The following CCNY variants were observed in gnomAD, a reference collection of about 807,000 sequenced individuals.
CCNY encodes the protein cyclin-Y.
A neutral mutation model predicts 42.8 loss-of-function variants in CCNY; 19 were observed. The ratio of observed to expected loss-of-function variants is 0.44; its 90% confidence interval spans 0.31 to 0.65. The LOEUF is 0.65. CCNY is among the 30% of genes least tolerant of loss of function. CCNY has a pLI of 0.07. For synonymous variants in CCNY, 165 were observed against 162.7 expected, an observed-to-expected ratio of 1.01 and a Z score of -0.11; for missense variants, 370 against 437.3, an observed-to-expected ratio of 0.85 and a Z score of 1.37.
chr10:35,494,198 C>T (rs1360392040), intron 2 of CCNY, among the ~76,000 whole-genome samples: 1 of 147,904 alleles, frequency 6.8e-6, no homozygotes, highest in African/African-American at 2.5e-5. Context: ...TTGCTTGAGC[C>T]CAGGAGTTCA....
Position 35,495,478 on chromosome 10 carries a change from A to T in CCNY, c.230-6023A>T, listed in dbSNP as rs114019060. Reference sequence around the variant, plus strand: ...TCTACTTCCTATTCTCTTCCCTGGAATTTTCTCCTCTCCATGACTGGCTGT... The same window carrying T: ...TCTACTTCCTATTCTCTTCCCTGGATTTTTCTCCTCTCCATGACTGGCTGT... On this transcript the variant is annotated intron_variant, in intron 2 of 9. Coordinates refer to ENST00000374704, the MANE Select transcript of CCNY (RefSeq NM_145012.6). 7.0e-3 allele frequency among the ~76,000 whole-genome samples: 1,070 copies of T among 152,144 alleles called. 11 individuals are homozygous for T. The highest frequency in any genetic ancestry group is 0.025 in the African/African-American group (1,021 of 41,498).
chr10:35,309,372 G>T (rs1835653879), intron 3 of CCNY, among the ~76,000 whole-genome samples: 2 of 152,210 alleles, frequency 1.3e-5, no homozygotes, highest in South Asian at 4.1e-4. Flanking sequence ...GGGTGATGGA[G>T]AATCTACCTG....
chr10:35,489,068 A>C (rs1397956724), intron 2 of CCNY, among the ~76,000 whole-genome samples: 1 of 152,206 alleles, frequency 6.6e-6, no homozygotes, highest in Non-Finnish European at 1.5e-5. Context: ...TCACGAGGTC[A>C]GGAGATCGAG....
intron 4 of CCNY, among the ~76,000 whole-genome samples, chr10:35,517,047 G>A (rs931025558): frequency 1.3e-5 from 2 of 152,044 alleles, no homozygotes; most frequent in African/African-American, 2.4e-5. Flanking sequence ...TTGGAGACCC[G>A]GGGCTCCAGT....
chr10:35,303,040 A>G (rs998259003), intron 3 of CCNY, among the ~76,000 whole-genome samples: 1 of 152,102 alleles, frequency 6.6e-6, no homozygotes, highest in Non-Finnish European at 1.5e-5. Flanking sequence ...TACAAAAATA[A>G]AAATAAAAAT....
chr10:35,302,116 C>G (rs1322609330), intron 3 of CCNY, among the ~76,000 whole-genome samples: 1 of 151,320 alleles, frequency 6.6e-6, no homozygotes, highest in Non-Finnish European at 1.5e-5. Flanking sequence ...GCACACGCCA[C>G]CACGCCTGGC....
chr10:35,283,415 T>C (rs1231612526), intron 3 of CCNY, among the ~76,000 whole-genome samples: 2 of 152,096 alleles, frequency 1.3e-5, no homozygotes, highest in Non-Finnish European at 2.9e-5. Context: ...TTTTTTTTTT[T>C]TTAGAGACTG....
intron 3 of CCNY, among the ~76,000 whole-genome samples, chr10:35,506,915 A>G (rs1840226769): frequency 6.6e-6 from 1 of 152,198 alleles, no homozygotes; most frequent in South Asian, 2.1e-4. Flanking sequence ...TGACACTGCT[A>G]CATGTGGGGA....
At chr10:35,382,545 G>A (rs892546594) in intron 1 of CCNY, among the ~76,000 whole-genome samples, 2 of 152,132 alleles carry the variant, frequency 1.3e-5, no homozygotes, top group African/African-American at 4.8e-5. Flanking sequence ...AGACATTTTA[G>A]TTATCACCAC....
At chr10:35,348,600 C>A (rs1332660199) in intron 1 of CCNY, among the ~76,000 whole-genome samples, 1 of 152,200 alleles carries the variant, frequency 6.6e-6, no homozygotes, top group African/African-American at 2.4e-5. Flanking sequence ...GAGCAGGAGC[C>A]CCCGTCCAGG....
At chr10:35,414,697 T>C (rs1213537722) in intron 1 of CCNY, among the ~76,000 whole-genome samples, 1 of 152,196 alleles carries the variant, frequency 6.6e-6, no homozygotes, top group South Asian at 2.1e-4. Context: ...GCAGCATGAC[T>C]TCAGCAAGTT....
At chr10:35,398,206 C>T (rs1488532605) in intron 1 of CCNY, among the ~76,000 whole-genome samples, 1 of 152,222 alleles carries the variant, frequency 6.6e-6, no homozygotes, top group Non-Finnish European at 1.5e-5. Flanking sequence ...AGGGCCCCGA[C>T]TGTGGGCAGA....
chr10:35,247,875 CAAA>C (rs56166117), intron 1 of CCNY, among the ~76,000 whole-genome samples: 1 of 58,172 alleles, frequency 1.7e-5, no homozygotes, highest in Non-Finnish European at 3.8e-5. Flanking sequence ...GACTCCATCT[CAAA>C]AAAAAAAAAA....
At chr10:35,392,998 A>T (rs372882610) in intron 1 of CCNY, among the ~76,000 whole-genome samples, 3 of 151,996 alleles carry the variant, frequency 2.0e-5, no homozygotes, top group African/African-American at 7.3e-5. Context: ...TACGTTCAGC[A>T]AGAATCCCCC....
chr10:35,421,351 ACT>A (rs1331370457), intron 1 of CCNY, among the ~76,000 whole-genome samples: 1 of 151,970 alleles, frequency 6.6e-6, no homozygotes, highest in Non-Finnish European at 1.5e-5. Context: ...GCTTGGCACC[ACT>A]CTCTCTCTAA....
At chr10:35,368,243 A>C (rs1306333135) in intron 1 of CCNY, among the ~76,000 whole-genome samples, 1 of 152,180 alleles carries the variant, frequency 6.6e-6, no homozygotes, top group Non-Finnish European at 1.5e-5. Context: ...AGTCTTGTTC[A>C]GTTTTCTGGG....
chr10:35,280,304 G>T (rs745970140), intron 3 of CCNY, among the ~76,000 whole-genome samples: 1 of 151,676 alleles, frequency 6.6e-6, no homozygotes, highest in Non-Finnish European at 1.5e-5. Flanking sequence ...TCCAGCCTGG[G>T]TGAAAGAGTG....
chr10:35,539,475 C>CT (rs1458769237), intron 7 of CCNY, among the ~76,000 whole-genome samples: 1 of 152,106 alleles, frequency 6.6e-6, no homozygotes, highest in African/African-American at 2.4e-5. Flanking sequence ...GTATACAAAT[C>CT]TGACACTTCT....
chr10:35,310,876 C>T (rs778103869), intron 3 of CCNY, among the ~76,000 whole-genome samples: 10 of 152,332 alleles, frequency 6.6e-5, no homozygotes, highest in African/African-American at 1.9e-4. Flanking sequence ...AATCGTGGCT[C>T]ACGCCTGTAA....
Sources: allele counts gnomAD v4.1 joint callset (sites outside exome capture counted in the v4.1 genomes callset), GRCh38; gene constraint gnomAD v4.1.1; transcripts MANE v1.5; gene names NCBI Gene and HGNC (gene_info 2026-07-23, HGNC 2026-07-21).